HSDL2: variants seen among roughly 807,000 people sequenced by gnomAD.
HSDL2 encodes hydroxysteroid dehydrogenase like 2.
HSDL2 carries 27 observed loss-of-function variants against 46.3 expected under a neutral mutation model. The observed-to-expected ratio is 0.58, with a 90% CI of 0.43 to 0.80. The LOEUF is 0.80. HSDL2 is among the 30% of genes least tolerant of loss of function. The pLI, the probability that HSDL2 is intolerant of heterozygous loss-of-function variation, is 0.00. For missense variants in HSDL2, 451 were observed against 502.7 expected, an observed-to-expected ratio of 0.90 and a Z score of 0.98; for synonymous variants, 153 against 163.6, an observed-to-expected ratio of 0.94 and a Z score of 0.50.
intron 7 of HSDL2, among the ~76,000 whole-genome samples, chr9:112,439,683 A>C (rs1278035384): frequency 6.6e-6 from 1 of 152,258 alleles, no homozygotes; most frequent in Non-Finnish European, 1.5e-5. Context: ...GTTCAAACTA[A>C]AGTAAATAGC....
At chr9:112,417,851 G>T (rs1264249792) in intron 5 of HSDL2, among the ~76,000 whole-genome samples, 21 of 149,876 alleles carry the variant, frequency 1.4e-4, no homozygotes. Flanking sequence ...GCCGAGACAG[G>T]CAGATCACTT....
chr9:112,467,170 A>AGGGAT (rs1229089446), intron 10 of HSDL2, among the ~76,000 whole-genome samples: 1 of 146,830 alleles, frequency 6.8e-6, no homozygotes, highest in Non-Finnish European at 1.5e-5. Context: ...AACAACCTAA[A>AGGGAT]TGTCCATTAA....
intron 8 of HSDL2, among the ~76,000 whole-genome samples, chr9:112,446,932 G>A (rs942576770): frequency 4.6e-5 from 7 of 152,192 alleles, no homozygotes; most frequent in Admixed American, 1.3e-4. Flanking sequence ...GATCCAGCGC[G>A]AGCCTCTCTT....
At chr9:112,455,381 C>G (rs568375996) in intron 9 of HSDL2, among the ~76,000 whole-genome samples, 2 of 152,262 alleles carry the variant, frequency 1.3e-5, no homozygotes, top group African/African-American at 4.8e-5. Context: ...GTTCTTACTT[C>G]CTTGCCATCC....
intron 6 of HSDL2, among the ~76,000 whole-genome samples, chr9:112,428,780 A>G (rs1427510359): frequency 6.6e-6 from 1 of 152,206 alleles, no homozygotes; most frequent in Non-Finnish European, 1.5e-5. Flanking sequence ...ACCCTTCCTC[A>G]CATCACTGTT....
chr9:112,450,125 T>A (rs1179997358), intron 8 of HSDL2, among the ~76,000 whole-genome samples: 1 of 152,086 alleles, frequency 6.6e-6, no homozygotes, highest in Non-Finnish European at 1.5e-5. Flanking sequence ...TTTAAATTAG[T>A]CTGTATAGAA....
intron 9 of HSDL2, among the ~76,000 whole-genome samples, chr9:112,456,366 C>T (rs1833023124): frequency 6.6e-6 from 1 of 152,188 alleles, no homozygotes; most frequent in Non-Finnish European, 1.5e-5. Context: ...TCCCTGTCAC[C>T]AGTGGGCCTG....
intron 6 of HSDL2, among the ~76,000 whole-genome samples, chr9:112,434,563 A>G (rs1832477663): frequency 1.3e-5 from 2 of 152,332 alleles, no homozygotes; most frequent in African/African-American, 4.8e-5. Context: ...GATATATCAT[A>G]GTTTAATTGG....
chr9:112,441,197 CAATAAT>C (rs992474662), intron 7 of HSDL2, among the ~76,000 whole-genome samples: 1 of 151,284 alleles, frequency 6.6e-6, no homozygotes, highest in African/African-American at 2.4e-5. Context: ...GACCCTGTGT[CAATAAT>C]AATAATAATA....
At position 112,420,351 on chromosome 9, in the gene HSDL2, G is replaced by A. The variant is rs192146584; in HGVS notation, c.598+1393G>A. Among the ~76,000 whole-genome samples, 53 of 152,002 alleles carry A rather than the reference G, an allele frequency of 3.5e-4. 1 individual carries two copies. Among genetic ancestry groups the A allele is most frequent in the Admixed American group, 8.5e-4 (13 of 15,274 alleles). Reference sequence around the variant, plus strand: ...AAAATATGTAAATGGCAATCACATCGCAGAAAAGTATGTCTAATGATAAAC... The same window carrying A: ...AAAATATGTAAATGGCAATCACATCACAGAAAAGTATGTCTAATGATAAAC... On this transcript the variant is annotated intron_variant, in intron 6 of 10. Coordinates refer to ENST00000398805, the MANE Select transcript of HSDL2 (RefSeq NM_032303.5).
intron 10 of HSDL2, among the ~76,000 whole-genome samples, chr9:112,468,109 T>A (rs1033271072): frequency 6.6e-6 from 1 of 152,222 alleles, no homozygotes. Flanking sequence ...TTTGAAGCCA[T>A]TGCTTTATCA....
chr9:112,468,422 C>T (rs1041540711), intron 10 of HSDL2, among the ~76,000 whole-genome samples: 2 of 151,974 alleles, frequency 1.3e-5, no homozygotes, highest in African/African-American at 4.8e-5. Context: ...GAGATCGACT[C>T]ACCTTCTTTT....
intron 4 of HSDL2, among the ~76,000 whole-genome samples, chr9:112,409,863 A>G (rs1831820512): frequency 6.6e-6 from 1 of 152,044 alleles, no homozygotes; most frequent in African/African-American, 2.4e-5. Context: ...AAGAAAAAAA[A>G]AAAAGACTAA....
intron 5 of HSDL2, among the ~76,000 whole-genome samples, 188 bp downstream of exon 5, chr9:112,417,132 T>C (rs1254816298): frequency 6.6e-6 from 1 of 152,332 alleles, no homozygotes; most frequent in Non-Finnish European, 1.5e-5. Context: ...AATTGAGGCA[T>C]AATTGACATT....
intron 4 of HSDL2, among the ~76,000 whole-genome samples, chr9:112,412,575 A>C (rs1831898555): frequency 6.6e-6 from 1 of 152,234 alleles, no homozygotes; most frequent in Non-Finnish European, 1.5e-5. Context: ...TAAAGCATTG[A>C]ATTTTATGTA....
chr9:112,408,861 GATAAAAAGTCTTTCATTAA>G, intron 3 of HSDL2, 27 bp from the exon 4 acceptor site: 1 of 1,036,112 alleles, frequency 9.7e-7, no homozygotes, highest in African/African-American at 1.6e-5. Flanking sequence ...TTTTGTGTGT[GATAAAAAGTCTTTCATTAA>G]AATGAAATTG....
intron 10 of HSDL2, among the ~76,000 whole-genome samples, chr9:112,466,640 G>A (rs1298336170): frequency 6.6e-6 from 1 of 151,206 alleles, no homozygotes; most frequent in Non-Finnish European, 1.5e-5. Flanking sequence ...TTTGTAGGTT[G>A]TTTTTTCACT....
chr9:112,436,441 G>A (rs1025063911), intron 6 of HSDL2, among the ~76,000 whole-genome samples: 2 of 151,806 alleles, frequency 1.3e-5, no homozygotes, highest in African/African-American at 4.8e-5. Context: ...ATCTAGAATA[G>A]CGCCTGACTT....
At chr9:112,441,830 C>A in intron 8 of HSDL2, 60 bp downstream of exon 8, 2 of 1,105,786 alleles carry the variant, frequency 1.8e-6, no homozygotes, top group Non-Finnish European at 2.7e-6. Flanking sequence ...GTATTTCTTC[C>A]AAAATATGGA....
Sources: allele counts gnomAD v4.1 joint callset (sites outside exome capture counted in the v4.1 genomes callset), GRCh38; gene constraint gnomAD v4.1.1; transcripts MANE v1.5; gene names NCBI Gene and HGNC (gene_info 2026-07-23, HGNC 2026-07-21).